ZNF383: variants seen among roughly 807,000 people sequenced by gnomAD.
ZNF383 encodes zinc finger protein 383.
A neutral mutation model predicts 44.2 loss-of-function variants in ZNF383; 32 were observed. That is an observed-to-expected ratio of 0.72 (90% CI 0.55 to 0.97). The LOEUF (loss-of-function observed/expected upper bound fraction) is 0.97. Ranked by LOEUF, ZNF383 falls within the 50% of genes least tolerant of loss-of-function variation. The pLI is 0.00. For missense variants in ZNF383, 487 were observed against 562.5 expected (o/e 0.87, Z 1.36); for synonymous variants, 155 against 186.2 (o/e 0.83, Z 1.36).
Position 37,243,552 on chromosome 19 carries a change from G to A in ZNF383, c.1316G>A (p.Arg439Gln), listed in dbSNP as rs774164042. 8 of 1,611,304 alleles carry A rather than the reference G, an allele frequency of 5.0e-6. No individual in the cohort carries two copies. Among genetic ancestry groups the A allele is most frequent in the South Asian group, 1.1e-5 (1 of 90,710 alleles). The change falls in exon 6 of 6, where the codon CGA becomes CAA. Residue 439 changes from arginine to glutamine, a missense_variant. Physicochemically the swap from Arg to Gln is conservative, Grantham distance 43. Transcript: ENST00000684119. ...KAFNKCSNLT[R>Q]HLRIHTGEKP... is the part of the protein sequence containing the mutation. ...TTTAATAAATGCTCAAACCTTACTC[G>A]ACATCTGAGAATTCACACTGGTGAA...
intron 5 of ZNF383, among the ~76,000 whole-genome samples, chr19:37,241,191 C>A (rs572687757): frequency 5.0e-4 from 76 of 152,224 alleles, no homozygotes; most frequent in Non-Finnish European, 9.0e-4. Context: ...CAGTTCACTT[C>A]TGACACTATT....
At position 37,236,041 on chromosome 19, in the gene ZNF383, G is replaced by A. The variant is rs1973774560; in HGVS notation, c.199G>A (p.Val67Ile). The A allele has an allele frequency of 1.2e-6, 2 of 1,613,524 alleles. No individual in the cohort carries two copies. The highest frequency in any genetic ancestry group is 1.7e-6 in the Non-Finnish European group (2 of 1,179,824). ...LLEQGKEPWM[V>I]GRELTRGLCS... is the part of the protein sequence containing the mutation. Reference sequence around the variant, plus strand: ...GGAACAAGGGAAAGAGCCCTGGATGGTTGGCAGAGAGCTTACAAGAGGCCT... The same window carrying A: ...GGAACAAGGGAAAGAGCCCTGGATGATTGGCAGAGAGCTTACAAGAGGCCT... Residue 67 changes from valine to isoleucine, a missense_variant, in exon 5 of 6, where the codon GTT becomes ATT. Coordinates refer to ENST00000684119, the MANE Select transcript of ZNF383 (RefSeq NM_001387601.1).
intron 5 of ZNF383, among the ~76,000 whole-genome samples, chr19:37,242,160 G>A (rs1372890399): frequency 4.3e-5 from 1 of 23,224 alleles, no homozygotes; most frequent in Non-Finnish European, 1.5e-4. Context: ...GGCCAGTCAT[G>A]TTTTAATATG....
At chr19:37,231,982 T>G (rs942189982) in intron 3 of ZNF383, among the ~76,000 whole-genome samples, 7 of 152,220 alleles carry the variant, frequency 4.6e-5, no homozygotes, top group Non-Finnish European at 1.0e-4. Context: ...TTGATAAACA[T>G]TAACTATTTT....
intron 5 of ZNF383, among the ~76,000 whole-genome samples, chr19:37,240,196 TAGG>T (rs1568530886): frequency 6.6e-6 from 1 of 151,662 alleles, no homozygotes; most frequent in African/African-American, 2.4e-5. Context: ...CATATAGAGA[TAGG>T]AGGAGAAAGA....
intron 2 of ZNF383, among the ~76,000 whole-genome samples, chr19:37,228,376 T>A (rs1973288980): frequency 6.6e-6 from 1 of 151,630 alleles, no homozygotes; most frequent in South Asian, 2.1e-4. Flanking sequence ...AGAACAAAGA[T>A]TATTATTGGA....
rs753264110 is a variant in ZNF383, at chr19:37,234,494, C to T, written c.10-1055C>T. 7.2e-5 allele frequency among the ~76,000 whole-genome samples: 11 copies of T among 152,142 alleles called. 1 individual carries two copies. Among genetic ancestry groups the T allele is most frequent in the East Asian group, 3.9e-4 (2 of 5,148 alleles). On this transcript the variant is annotated intron_variant, in intron 3 of 5. Coordinates refer to ENST00000684119, the MANE Select transcript of ZNF383 (RefSeq NM_001387601.1). The stretch of plus-strand genomic sequence containing the variant: ...AGCTCCGCCTCCCGGATTCACGCCA[C>T]TCTCCTGCCTCAGCCTCCTGAGTAG...
intron 5 of ZNF383, among the ~76,000 whole-genome samples, chr19:37,238,003 C>G (rs1973901772): frequency 6.6e-6 from 1 of 152,090 alleles, no homozygotes; most frequent in East Asian, 1.9e-4. Flanking sequence ...GCTCGGCCCA[C>G]AGGCACACGT....
intron 5 of ZNF383, among the ~76,000 whole-genome samples, chr19:37,240,865 G>A (rs1437886774): frequency 6.6e-6 from 1 of 152,144 alleles, no homozygotes; most frequent in Non-Finnish European, 1.5e-5. Context: ...GGAGTGCAGT[G>A]GTGCGATCTC....
chr19:37,232,039 A>G (rs1973512042), intron 3 of ZNF383, among the ~76,000 whole-genome samples: 1 of 151,918 alleles, frequency 6.6e-6, no homozygotes, highest in African/African-American at 2.4e-5. Context: ...GTATTTTTTT[A>G]TAAGTAAAAC....
chr19:37,242,016 A>G (rs1004934684), intron 5 of ZNF383, among the ~76,000 whole-genome samples: 4 of 9,104 alleles, frequency 4.4e-4, no homozygotes, highest in Non-Finnish European at 6.9e-4. Flanking sequence ...ACTTATCTAT[A>G]TATACTATAA....
rs1287754798 is a variant in ZNF383 at position 37,243,570 on chromosome 19, C to T, written c.1334C>T (p.Thr445Ile). ...SNLTRHLRIH[T>I]GEKPYNCKEC... Reference sequence around the variant, plus strand: ...CTTACTCGACATCTGAGAATTCACACTGGTGAAAAGCCCTATAACTGTAAG... The same window carrying T: ...CTTACTCGACATCTGAGAATTCACATTGGTGAAAAGCCCTATAACTGTAAG... Residue 445 changes from threonine (T) to isoleucine (I), a missense_variant, in exon 6 of 6, where the codon ACT (threonine) becomes ATT (isoleucine). Thr to Ile is a moderately conservative substitution (Grantham distance 89, BLOSUM62 -1). Transcript: ENST00000684119. 1.2e-6 allele frequency: 2 copies of T among 1,614,066 alleles called. No homozygotes were observed. Among genetic ancestry groups the T allele is most frequent in the Admixed American group, 1.7e-5 (1 of 60,010 alleles).
intron 2 of ZNF383, among the ~76,000 whole-genome samples, chr19:37,227,217 C>T (rs1568521809): frequency 6.9e-6 from 1 of 144,354 alleles, no homozygotes; most frequent in Non-Finnish European, 1.5e-5. Context: ...CAGGTTCAAA[C>T]GATTATCCTG....
intron 3 of ZNF383, among the ~76,000 whole-genome samples, chr19:37,231,127 A>C (rs1250186909): frequency 6.6e-6 from 1 of 152,254 alleles, no homozygotes; most frequent in Admixed American, 6.5e-5. Flanking sequence ...CAGCCAATGC[A>C]TAAGTCATGT....
At position 37,242,733 on chromosome 19, in the gene ZNF383, A is replaced by C; in HGVS notation, c.497A>C (p.Glu166Ala). ...ACTCTCCATCAAATAATTAATAATG[A>C]AGACAGACCCTATGAATGTAAGAAA... ...FLTLHQIINN[E>A]DRPYECKKCG... Residue 166 changes from glutamate to alanine, a missense_variant, in exon 6 of 6, where the codon GAA becomes GCA. Coordinates refer to ENST00000684119, the MANE Select transcript of ZNF383 (RefSeq NM_001387601.1). 2.5e-6 allele frequency: 4 copies of C among 1,614,138 alleles called. No homozygotes were observed. The highest frequency in any genetic ancestry group is 3.4e-6 in the Non-Finnish European group (4 of 1,180,004).
intron 1 of ZNF383, among the ~76,000 whole-genome samples, chr19:37,221,579 C>G (rs891809929): frequency 1.3e-5 from 2 of 151,968 alleles, no homozygotes; most frequent in Non-Finnish European, 2.9e-5. Context: ...AAGACCCTGT[C>G]TCAAATATAT....
chr19:37,236,091 C>T lies in ZNF383; in HGVS notation c.232+17C>T, dbSNP rs574048528. On this transcript the variant is annotated intron_variant, in intron 5 of 5. Coordinates refer to ENST00000684119, the MANE Select transcript of ZNF383 (RefSeq NM_001387601.1). ...TGTGTTCAGGTAAGTGAGAAATGAC[C>T]GGACAGGAGAAAGTCACGATAGGTC... 1.9e-5 allele frequency: 30 copies of T among 1,603,078 alleles called. No individual in the cohort carries two copies. Among genetic ancestry groups the T allele is most frequent in the East Asian group, 1.3e-4 (6 of 44,744 alleles).
In ZNF383 at chr19:37,242,244, T is replaced by C. The variant is rs370653507; in HGVS notation, c.233-225T>C. 6.6e-5 allele frequency among the ~76,000 whole-genome samples: 10 copies of C among 151,526 alleles called. No individual in the cohort carries two copies. In the East Asian group the frequency reaches 7.8e-4, roughly 12 times the overall value. On this transcript the variant is annotated intron_variant, in intron 5 of 5. Coordinates refer to ENST00000684119, the MANE Select transcript of ZNF383 (RefSeq NM_001387601.1). Reference sequence around the variant, plus strand: ...GATCCACATCCATATTTGAGTATCATTGTAGTAACTTATTTGCGTAGTTAC... The same window carrying C: ...GATCCACATCCATATTTGAGTATCACTGTAGTAACTTATTTGCGTAGTTAC...
intron 2 of ZNF383, chr19:37,227,623 A>G (rs1234259): frequency 0.39 from 59,784 of 152,426 alleles, 12,658 homozygotes; most frequent in African/African-American, 0.56. Context: ...GCTGGGCCTG[A>G]GGGACCACTA....
Sources: gnomAD v4.1 joint callset for allele counts (sites outside exome capture counted in the v4.1 genomes callset) on GRCh38, gnomAD v4.1.1 for gene constraint, MANE v1.5 for transcripts, NCBI Gene and HGNC (gene_info 2026-07-23, HGNC 2026-07-21) for gene names.